STX8: variants seen among roughly 807,000 people sequenced by gnomAD.
STX8 encodes the protein syntaxin 8, also known as syntaxin-8.
In STX8, 23 loss-of-function variants were observed where a neutral mutation model predicts 37.5. The observed-to-expected ratio is 0.61, with a 90% confidence interval of 0.44 to 0.87. The LOEUF (loss-of-function observed/expected upper bound fraction) is 0.87. Among genes scored for constraint, STX8 ranks in the 40% least tolerant of loss-of-function variants. The pLI, the probability that STX8 is intolerant of heterozygous loss-of-function variation, is 0.00. For missense variants in STX8, 313 were observed against 284.7 expected (o/e 1.10, Z -0.71); for synonymous variants, 115 against 99.1 (o/e 1.16, Z -0.95).
intron 7 of STX8, among the ~76,000 whole-genome samples, chr17:9,290,816 A>G (rs571767526): frequency 6.6e-6 from 1 of 152,316 alleles, no homozygotes; most frequent in East Asian, 1.9e-4. Flanking sequence ...AAAGGCACAC[A>G]TTGCCACCCA....
chr17:9,434,994 A>C (rs548327621), intron 6 of STX8, among the ~76,000 whole-genome samples: 2 of 152,178 alleles, frequency 1.3e-5, no homozygotes, highest in Non-Finnish European at 2.9e-5. Context: ...GGTCACTTTC[A>C]TCACCATTTG....
intron 7 of STX8, among the ~76,000 whole-genome samples, chr17:9,319,911 T>C (rs1019390040): frequency 2.0e-5 from 3 of 151,594 alleles, no homozygotes; most frequent in African/African-American, 7.3e-5. Context: ...GATCTTGCCA[T>C]TGCACTCTAG....
At chr17:9,342,600 G>A (rs139243181) in intron 7 of STX8, among the ~76,000 whole-genome samples, 1 of 152,302 alleles carries the variant, frequency 6.6e-6, no homozygotes, top group African/African-American at 2.4e-5. Context: ...CTGGCTTCTT[G>A]TCTGGGTTTC....
At chr17:9,553,776 T>C (rs77407110) in intron 3 of STX8, 162 of 152,322 alleles carry the variant, frequency 1.1e-3, no homozygotes, top group African/African-American at 3.6e-3. Context: ...CAACAATTCA[T>C]AGAGAATTCT....
At chr17:9,256,619 A>G (rs1156657705) in intron 7 of STX8, among the ~76,000 whole-genome samples, 1 of 152,212 alleles carries the variant, frequency 6.6e-6, no homozygotes, top group Non-Finnish European at 1.5e-5. Flanking sequence ...TTCAGTAAGT[A>G]TCACTAAAAG....
chr17:9,453,487 CTTTTTTT>C (rs1168841037), intron 6 of STX8, among the ~76,000 whole-genome samples: 2 of 112,246 alleles, frequency 1.8e-5, no homozygotes, highest in Admixed American at 9.8e-5. Flanking sequence ...CACTACTCAT[CTTTTTTT>C]TTTTTTTTTT....
intron 2 of STX8, among the ~76,000 whole-genome samples, chr17:9,558,330 G>C (rs577896659): frequency 1.3e-5 from 2 of 152,088 alleles, no homozygotes; most frequent in African/African-American, 4.8e-5. Context: ...TAACTCAAGC[G>C]GACTCCCTCC....
intron 7 of STX8, among the ~76,000 whole-genome samples, chr17:9,339,135 A>G (rs1597613228): frequency 1.3e-5 from 2 of 151,998 alleles, no homozygotes; most frequent in African/African-American, 4.8e-5. Flanking sequence ...GAATCACAGT[A>G]TAAGACTACA....
intron 3 of STX8, among the ~76,000 whole-genome samples, chr17:9,546,405 C>A (rs375507309): frequency 0.038 from 5,691 of 149,806 alleles, 372 homozygotes; most frequent in African/African-American, 0.13. Context: ...AAAAACCAAA[C>A]AACCATCCTT....
At chr17:9,527,937 T>C (rs1905644729) in intron 4 of STX8, among the ~76,000 whole-genome samples, 1 of 152,174 alleles carries the variant, frequency 6.6e-6, no homozygotes, top group Admixed American at 6.5e-5. Flanking sequence ...GCACTCGTTG[T>C]AATGGCAAAA....
chr17:9,368,829 G>A (rs1911309019), intron 7 of STX8, among the ~76,000 whole-genome samples: 1 of 152,020 alleles, frequency 6.6e-6, no homozygotes, highest in Non-Finnish European at 1.5e-5. Context: ...GCCCTTGGCT[G>A]ACTCAGACCC....
intron 6 of STX8, among the ~76,000 whole-genome samples, chr17:9,420,147 T>C (rs559412819): frequency 2.6e-5 from 4 of 152,214 alleles, no homozygotes; most frequent in Non-Finnish European, 5.9e-5. Flanking sequence ...TATTCTTAGA[T>C]GGGTAACCCC....
At position 9,403,800 on chromosome 17, in the gene STX8, C is replaced by T. The variant is rs555991052; in HGVS notation, c.542-25147G>A. ...TAGCTGGGAGTACAGGAGTCTGCAA[C>T]CACGCCTGGCTAATTCTTTGTATTT... On this transcript the variant is annotated intron_variant, in intron 6 of 7. Coordinates refer to ENST00000306357, the MANE Select transcript of STX8 (RefSeq NM_004853.3). 4.8e-4 allele frequency among the ~76,000 whole-genome samples: 73 copies of T among 152,168 alleles called. 1 individual carries two copies. The highest frequency in any genetic ancestry group is 7.5e-4 in the Non-Finnish European group (51 of 68,002).
In STX8 at chr17:9,448,137, T is replaced by C. The variant is rs546184358; in HGVS notation, c.541+43692A>G. On this transcript the variant is annotated intron_variant, in intron 6 of 7. Coordinates refer to ENST00000306357, the MANE Select transcript of STX8 (RefSeq NM_004853.3). Reference sequence around the variant, plus strand: ...TTGCAGTGAGCCGAGATTGTGCCATTGCACTCCAGCCTGGGCAACAGAATG... The same window carrying C: ...TTGCAGTGAGCCGAGATTGTGCCATCGCACTCCAGCCTGGGCAACAGAATG... 1.1e-4 allele frequency among the ~76,000 whole-genome samples: 17 copies of C among 148,454 alleles called. No homozygotes were observed. In the South Asian group the frequency reaches 3.6e-3, roughly 32 times the overall value.
intron 7 of STX8, among the ~76,000 whole-genome samples, chr17:9,337,322 G>A (rs998209917): frequency 1.3e-5 from 2 of 151,958 alleles, no homozygotes; most frequent in Non-Finnish European, 2.9e-5. Flanking sequence ...TAGAGGATGA[G>A]CCAAGTAGTA....
intron 6 of STX8, among the ~76,000 whole-genome samples, chr17:9,478,278 G>A (rs554335280): frequency 2.7e-4 from 41 of 152,270 alleles, no homozygotes; most frequent in Middle Eastern, 6.8e-3. Context: ...TGGGATTACA[G>A]GCGTGCACCA....
intron 7 of STX8, among the ~76,000 whole-genome samples, chr17:9,331,027 T>C (rs1213024888): frequency 6.6e-6 from 1 of 152,178 alleles, no homozygotes; most frequent in East Asian, 1.9e-4. Flanking sequence ...CCCTGCAATT[T>C]TAGACATGCC....
chr17:9,479,155 C>A (rs909291588), intron 6 of STX8, among the ~76,000 whole-genome samples: 1 of 152,134 alleles, frequency 6.6e-6, no homozygotes, highest in Non-Finnish European at 1.5e-5. Context: ...GCTATTTCTT[C>A]TCCCCAAAAG....
chr17:9,415,299 C>T (rs1179792808), intron 6 of STX8, among the ~76,000 whole-genome samples: 1 of 152,072 alleles, frequency 6.6e-6, no homozygotes, highest in Non-Finnish European at 1.5e-5. Flanking sequence ...AAAATGAAAC[C>T]TCAAGATCCT....
Sources: gnomAD v4.1 joint callset for allele counts (sites outside exome capture counted in the v4.1 genomes callset) on GRCh38, gnomAD v4.1.1 for gene constraint, MANE v1.5 for transcripts, NCBI Gene and HGNC (gene_info 2026-07-23, HGNC 2026-07-21) for gene names.